MSN: variants seen among roughly 807,000 people sequenced by gnomAD.
MSN encodes the protein epididymis luminal protein 70.
A neutral mutation model predicts 48.0 loss-of-function variants in MSN; 2 were observed. That is an observed-to-expected ratio of 0.04 (90% CI 0.02 to 0.13). The LOEUF is 0.13. MSN is among the 10% of genes least tolerant of loss of function. The pLI, the probability that MSN is intolerant of heterozygous loss-of-function variation, is 1.00. For synonymous variants in MSN, 146 were observed against 166.9 expected, an observed-to-expected ratio of 0.87 and a Z score of 0.97; for missense variants, 267 against 470.1, an observed-to-expected ratio of 0.57 and a Z score of 3.99.
At chrX:65,600,212 G>A (rs771805384) in intron 1 of MSN, among the ~76,000 whole-genome samples, 1 of 111,435 alleles carries the variant, frequency 9.0e-6, no homozygotes, top group East Asian at 2.8e-4. Flanking sequence ...CCTAGCTTAT[G>A]ATTGGAGTGT....
intron 1 of MSN, among the ~76,000 whole-genome samples, chrX:65,711,986 C>T (rs1197832785): frequency 9.0e-6 from 1 of 111,409 alleles, no homozygotes; most frequent in Non-Finnish European, 1.9e-5. Flanking sequence ...AAGCCCACTG[C>T]CCCCTTTCTA....
At chrX:65,626,428 AG>A (rs1189213126) in intron 1 of MSN, among the ~76,000 whole-genome samples, 1 of 111,680 alleles carries the variant, frequency 9.0e-6, no homozygotes, top group Non-Finnish European at 1.9e-5. Flanking sequence ...CTCTTTCTTC[AG>A]GGTTTGCTGT....
In MSN at chrX:65,740,038, C is replaced by A; in HGVS notation, c.*145C>A. 1.6e-6 allele frequency: 1 copy of A among 616,769 alleles called. No homozygotes were observed. The highest frequency in any genetic ancestry group is 5.1e-5 in the South Asian group (1 of 19,652). The allele number at this position is 616,769 out of a possible 1,213,427, so 50.8% of individuals were successfully genotyped here. On this transcript the variant is annotated 3_prime_UTR_variant, in exon 13 of 13. Coordinates refer to ENST00000360270, the MANE Select transcript of MSN (RefSeq NM_002444.3). ...CAAGCATTTAATGTAGCCATGGGAC[C>A]AAACCTAGCCCCTTAGCCCCCACCC...
chrX:65,684,004 G>A (rs1049688957), intron 1 of MSN, among the ~76,000 whole-genome samples: 2 of 101,711 alleles, frequency 2.0e-5, no homozygotes, highest in Admixed American at 1.1e-4. Context: ...GCAGTGATGC[G>A]ATCTTGGCTC....
chrX:65,672,395 A>G (rs932239654), intron 1 of MSN, among the ~76,000 whole-genome samples: 1 of 112,337 alleles, frequency 8.9e-6, no homozygotes, highest in Non-Finnish European at 1.9e-5. Flanking sequence ...AACAGGGTAC[A>G]GATGTGGTCT....
intron 1 of MSN, among the ~76,000 whole-genome samples, chrX:65,661,727 A>G (rs1039232435): frequency 4.5e-5 from 5 of 112,064 alleles, no homozygotes; most frequent in Non-Finnish European, 7.5e-5. Flanking sequence ...CATTTACCAT[A>G]GCCACAAAGA....
chrX:65,623,460 T>G (rs1414671169), intron 1 of MSN, among the ~76,000 whole-genome samples: 2 of 108,730 alleles, frequency 1.8e-5, no homozygotes, highest in East Asian at 5.6e-4. Context: ...GTATTCCCCC[T>G]TCTTCTATTT....
chrX:65,594,915 G>C (rs183435086), intron 1 of MSN, among the ~76,000 whole-genome samples: 10 of 111,698 alleles, frequency 9.0e-5, no homozygotes, highest in Non-Finnish European at 1.9e-4. Flanking sequence ...GCCTTAGTAT[G>C]CACCTGTTTC....
chrX:65,640,830 C>T (rs765136200), intron 1 of MSN, among the ~76,000 whole-genome samples: 2 of 111,544 alleles, frequency 1.8e-5, no homozygotes, highest in Non-Finnish European at 3.8e-5. Context: ...AGCACAGAGC[C>T]AGGCGCAGTG....
In MSN at chrX:65,620,661, C is replaced by T. The variant is rs372070388; in HGVS notation, c.-22+32049C>T. On this transcript the variant is annotated intron_variant, in intron 1 of 3. Coordinates refer to the MSN transcript ENST00000609672. ...ACCTCAGATGGAAATGCAGAAATCA[C>T]CCGTCTTCTGCGTCGCTTACTCTGG... 2.7e-5 allele frequency among the ~76,000 whole-genome samples: 3 copies of T among 112,494 alleles called. No individual in the cohort carries two copies. In the Admixed American group the frequency reaches 2.8e-4, roughly 11 times the overall value.
chrX:65,632,646 C>G (rs1032268281), intron 1 of MSN, among the ~76,000 whole-genome samples: 3 of 111,549 alleles, frequency 2.7e-5, no homozygotes, highest in African/African-American at 9.8e-5. Context: ...TTAATTGTAG[C>G]CATTCTGATA....
rs1280234284 is a variant in MSN, at chrX:65,716,855, A to C, written c.50A>C (p.Glu17Ala). ...VRVTTMDAEL[E>A]FAIQPNTTGK... ...GTGACCACCATGGATGCAGAGCTGG[A>C]GTTTGCCATCCAGCCCAACACCACC... The change falls in exon 2 of 13, where the codon GAG becomes GCG. Residue 17 changes from glutamate to alanine, a missense_variant. By Grantham distance (107) the Glu-to-Ala change is moderately radical. Around this residue, in one of 5 missense-constraint regions of MSN, gnomAD observed 89 missense variants for 151.0 expected, o/e 0.59. Coordinates refer to ENST00000360270, the MANE Select transcript of MSN (RefSeq NM_002444.3). 2 of 1,210,351 alleles carry C rather than the reference A, an allele frequency of 1.7e-6. No homozygotes were observed. Among genetic ancestry groups the C allele is most frequent in the African/African-American group, 3.5e-5 (2 of 57,392 alleles).
chrX:65,737,067 C>T, intron 9 of MSN, 111 bp from the exon 10 acceptor site: 6 of 1,126,094 alleles, frequency 5.3e-6, no homozygotes, highest in Non-Finnish European at 3.6e-6. Context: ...GAAGAGAGCT[C>T]AGAACTTTCT....
At chrX:65,594,350 C>A (rs190353812) in intron 1 of MSN, among the ~76,000 whole-genome samples, 3 of 110,305 alleles carry the variant, frequency 2.7e-5, no homozygotes, top group Admixed American at 9.7e-5. Flanking sequence ...GTTAGAATTT[C>A]CAAATAAAAG....
intron 1 of MSN, among the ~76,000 whole-genome samples, chrX:65,697,654 T>C (rs1190520206): frequency 1.8e-5 from 2 of 112,300 alleles, no homozygotes; most frequent in African/African-American, 6.5e-5. Flanking sequence ...CTAAAACCCA[T>C]GTGTAGTGAG....
intron 1 of MSN, among the ~76,000 whole-genome samples, chrX:65,706,419 C>A (rs2071361970): frequency 8.9e-6 from 1 of 111,759 alleles, no homozygotes; most frequent in Admixed American, 9.5e-5. Flanking sequence ...TACTTGCCTT[C>A]TTCTCTACAC....
intron 1 of MSN, among the ~76,000 whole-genome samples, chrX:65,649,649 G>T (rs1375766998): frequency 9.5e-6 from 1 of 105,563 alleles, no homozygotes; most frequent in African/African-American, 3.5e-5. Flanking sequence ...ATGTATGTGT[G>T]TGTATATGTG....
At chrX:65,665,448 T>C (rs985449426), upstream of MSN, among the ~76,000 whole-genome samples, 1 of 111,938 alleles carries the variant, frequency 8.9e-6, no homozygotes, top group Admixed American at 9.5e-5. Flanking sequence ...TTTGAACAAA[T>C]GCTTAGCTCA....
intron 1 of MSN, among the ~76,000 whole-genome samples, chrX:65,621,574 G>A (rs1301201698): frequency 9.0e-6 from 1 of 111,510 alleles, no homozygotes; most frequent in Non-Finnish European, 1.9e-5. Context: ...TTTCAAGATT[G>A]TGTTAGCTAT....
Sources: gnomAD v4.1 joint callset for allele counts (sites outside exome capture counted in the v4.1 genomes callset) on GRCh38, gnomAD v4.1.1 for gene constraint, gnomAD v4.1.1 regional missense constraint, MANE v1.5 for transcripts, NCBI Gene and HGNC (gene_info 2026-07-23, HGNC 2026-07-21) for gene names.